Variants in RHOT1 observed in about 807,000 individuals in gnomAD.
RHOT1 encodes ras homolog family member T1.
Under a neutral mutation model 95.3 loss-of-function variants are expected in RHOT1, and 27 were observed. That is an observed-to-expected ratio of 0.28 (90% CI 0.21 to 0.39). The LOEUF is 0.39. Ranked by LOEUF, RHOT1 falls within the 10% of genes least tolerant of loss-of-function variation. The pLI, the probability that RHOT1 is intolerant of heterozygous loss-of-function variation, is 1.00. For missense variants in RHOT1, 578 were observed against 786.7 expected, an observed-to-expected ratio of 0.73 and a Z score of 3.17; for synonymous variants, 227 against 263.5, an observed-to-expected ratio of 0.86 and a Z score of 1.34.
intron 8 of RHOT1, among the ~76,000 whole-genome samples, chr17:32,191,797 A>C (rs1206645426): frequency 6.6e-6 from 1 of 152,156 alleles, no homozygotes; most frequent in Non-Finnish European, 1.5e-5. Flanking sequence ...TCATTCTGCT[A>C]CCAGAAGTCT....
At chr17:32,213,777 G>A (rs1442399396) in intron 19 of RHOT1, among the ~76,000 whole-genome samples, 2 of 152,112 alleles carry the variant, frequency 1.3e-5, no homozygotes, top group South Asian at 4.1e-4. Context: ...TGTGTCCCTG[G>A]TGACAATTTT....
intron 1 of RHOT1, among the ~76,000 whole-genome samples, chr17:32,154,892 TAA>T (rs1210197093): frequency 5.8e-5 from 8 of 137,290 alleles, no homozygotes; most frequent in Non-Finnish European, 7.9e-5. Flanking sequence ...AGGATCCATC[TAA>T]AAAAAAAAAA....
At chr17:32,154,777 C>A (rs932823258) in intron 1 of RHOT1, among the ~76,000 whole-genome samples, 1 of 151,852 alleles carries the variant, frequency 6.6e-6, no homozygotes, top group Non-Finnish European at 1.5e-5. Flanking sequence ...TGCCTGTAAT[C>A]CCAGCTACTC....
At position 32,224,748 on chromosome 17, in the gene RHOT1, C is replaced by T. The variant is rs1167319908; in HGVS notation, c.*15C>T. On this transcript the variant is annotated 3_prime_UTR_variant, in exon 20 of 20. Transcript: ENST00000545287. ...AACAGCGATGATATAAAAAGAAATA[C>T]TGTCCCTACCAAAAACAAATACTTT... 4.8e-6 allele frequency: 7 copies of T among 1,466,680 alleles called. No homozygotes were observed. Among genetic ancestry groups the T allele is most frequent in the Admixed American group, 1.7e-5 (1 of 57,792 alleles). 90.9% of individuals were successfully genotyped at this position (1,466,680 alleles called of 1,614,324 possible).
In RHOT1 at chr17:32,182,607, C is replaced by A. The variant is rs561614214; in HGVS notation, c.330-150C>A. ...AACATGTTGAGTAAATACGTGCTAT[C>A]TAGGGGGCTCAACCTGACTGTAGAG... On this transcript the variant is annotated intron_variant, in intron 6 of 19. Transcript: ENST00000545287. The A allele has an allele frequency of 1.2e-4, 69 of 564,864 alleles. No individual in the cohort carries two copies. The South Asian group carries it at 1.6e-3, about 13-fold the overall frequency. The allele number at this position is 564,864 out of a possible 1,614,324, so 35.0% of individuals were successfully genotyped here. A position where few individuals can be genotyped will look rare whatever the true frequency, so the allele number is the denominator to read the frequency against.
At chr17:32,142,789 T>C in intron 1 of RHOT1, 60 bp downstream of exon 1, 1 of 1,251,470 alleles carries the variant, frequency 8.0e-7, no homozygotes, top group Non-Finnish European at 1.1e-6. Flanking sequence ...CTGCAGCCCC[T>C]GTCGCCCCTG....
intron 19 of RHOT1, among the ~76,000 whole-genome samples, chr17:32,219,020 G>C (rs1352512002): frequency 6.6e-6 from 1 of 151,986 alleles, no homozygotes; most frequent in Non-Finnish European, 1.5e-5. Flanking sequence ...TATATATATG[G>C]GTAGAGTTGT....
At chr17:32,195,853 T>C (rs536546386) in intron 11 of RHOT1, among the ~76,000 whole-genome samples, 1 of 152,312 alleles carries the variant, frequency 6.6e-6, no homozygotes, top group African/African-American at 2.4e-5. Flanking sequence ...GTTATAGGAC[T>C]CTCTCATAAG....
chr17:32,151,881 C>CAAA (rs60313146), intron 1 of RHOT1, among the ~76,000 whole-genome samples: 56 of 60,742 alleles, frequency 9.2e-4, no homozygotes, highest in African/African-American at 2.5e-3. Context: ...GACTCCGTCT[C>CAAA]AAAAAAAAAA....
At position 32,195,954 on chromosome 17, in the gene RHOT1, G is replaced by A. The variant is rs114316450; in HGVS notation, c.869+1847G>A. 5.3e-3 allele frequency among the ~76,000 whole-genome samples: 807 copies of A among 152,132 alleles called. 7 individuals carry two copies. Among genetic ancestry groups the A allele is most frequent in the African/African-American group, 0.018 (762 of 41,510 alleles). On this transcript the variant is annotated intron_variant, in intron 11 of 19. Transcript: ENST00000545287. ...AAGTATGACAGTTAGGAAATTCCAC[G>A]TCTTGTCGCATTGTGGCTTACACTA...
chr17:32,153,923 T>C (rs1464894698), intron 1 of RHOT1, among the ~76,000 whole-genome samples: 2 of 152,164 alleles, frequency 1.3e-5, no homozygotes, highest in African/African-American at 4.8e-5. Flanking sequence ...GTGGACTTGA[T>C]GGGACTTCAT....
rs540227698 is a variant in RHOT1, at chr17:32,193,775, T to C, written c.749-212T>C. Among the ~76,000 whole-genome samples, 247 of 152,336 alleles carry C rather than the reference T, an allele frequency of 1.6e-3. No homozygotes were observed. The Middle Eastern group carries it at 0.024, about 15-fold the overall frequency. ...GAGATGCAATGTTGGCCATTTCCTC[T>C]AGTGCTCTCTCTTGCTGAGCTGGGT... On this transcript the variant is annotated intron_variant, in intron 10 of 19. Transcript: ENST00000545287.
chr17:32,174,059 T>A (rs895208673), intron 3 of RHOT1, 147 bp downstream of exon 3: 1 of 633,578 alleles, frequency 1.6e-6, no homozygotes, highest in African/African-American at 1.9e-5. Flanking sequence ...CTCATTTATG[T>A]CTGTCAACCT....
chr17:32,202,287 T>A (rs1251074949), intron 14 of RHOT1, among the ~76,000 whole-genome samples: 1 of 152,198 alleles, frequency 6.6e-6, no homozygotes, highest in African/African-American at 2.4e-5. Flanking sequence ...ATGCCTCTTT[T>A]ACAGTTTACA....
At chr17:32,209,988 GT>G (rs544696342) in intron 18 of RHOT1, among the ~76,000 whole-genome samples, 23 of 147,830 alleles carry the variant, frequency 1.6e-4, no homozygotes, top group South Asian at 8.6e-4. Context: ...GCCTATACAA[GT>G]TTTTTTTTTT....
intron 18 of RHOT1, chr17:32,209,281 T>C: frequency 1.3e-6 from 1 of 798,320 alleles, no homozygotes. Flanking sequence ...ATTCCTATTA[T>C]TATAGAATAA....
At chr17:32,202,945 A>C in intron 15 of RHOT1, 45 bp downstream of exon 15, 1 of 1,579,772 alleles carries the variant, frequency 6.3e-7, no homozygotes. Context: ...AAATTTTTAT[A>C]GTTACTAGTT....
In RHOT1 at chr17:32,183,215, C is replaced by A; in HGVS notation, c.483C>A (p.Tyr161Ter). 1 of 1,560,966 alleles carries A rather than the reference C, an allele frequency of 6.4e-7. No individual in the cohort carries two copies. The highest frequency in any genetic ancestry group is 8.7e-7 in the Non-Finnish European group (1 of 1,150,316). ...NLKNISELFY[Y>*]AQKAVLHPTG... ...AGAACATATCAGAGCTCTTTTATTA[C>A]GCACAGAAAGCTGTTCTTCATCCTA... is the stretch of plus-strand genomic sequence containing the variant. The change falls in exon 8 of 20, where the codon TAC becomes TAA. Residue 161 changes from tyrosine to a stop codon, truncating the protein, a stop_gained. Transcript: ENST00000545287. LOFTEE classifies it high-confidence loss of function.
At chr17:32,142,804 C>T (rs1391886072) in intron 1 of RHOT1, 75 bp downstream of exon 1, 2 of 1,279,298 alleles carry the variant, frequency 1.6e-6, no homozygotes, top group African/African-American at 1.5e-5. Context: ...CCCCTGTCGC[C>T]CCTGCAGCCC....
Sources: allele counts gnomAD v4.1 joint callset (sites outside exome capture counted in the v4.1 genomes callset), GRCh38; gene constraint gnomAD v4.1.1; transcripts MANE v1.5; gene names NCBI Gene and HGNC (gene_info 2026-07-23, HGNC 2026-07-21).